Variants in ARHGAP42 observed in about 807,000 individuals in gnomAD.
The protein encoded by ARHGAP42 is Rho GTPase activating protein 42.
Under a neutral mutation model 125.0 loss-of-function variants are expected in ARHGAP42, and 63 were observed. The observed-to-expected ratio is 0.50, with a 90% CI of 0.41 to 0.62. The LOEUF (loss-of-function observed/expected upper bound fraction) is 0.62, where lower values mean the gene tolerates loss of function less well. Among genes scored for constraint, ARHGAP42 ranks in the 20% least tolerant of loss-of-function variants. The pLI, the probability that ARHGAP42 is intolerant of heterozygous loss-of-function variation, is 0.00. For synonymous variants in ARHGAP42, 339 were observed against 351.0 expected, an observed-to-expected ratio of 0.97 and a Z score of 0.38; for missense variants, 766 against 1,024.2, an observed-to-expected ratio of 0.75 and a Z score of 3.44.
chr11:100,745,569 C>T (rs113897198), intron 1 of ARHGAP42, among the ~76,000 whole-genome samples: 2,077 of 152,298 alleles, frequency 0.014, 61 homozygotes, highest in African/African-American at 0.047. Flanking sequence ...GGGTCATTTA[C>T]CCCTGAGTTG....
At chr11:100,832,258 G>A (rs1241285963) in intron 3 of ARHGAP42, among the ~76,000 whole-genome samples, 1 of 152,190 alleles carries the variant, frequency 6.6e-6, no homozygotes, top group African/African-American at 2.4e-5. Context: ...ACTGAACGAG[G>A]ATGGGCATAG....
At chr11:100,764,435 C>T (rs1395438774) in intron 1 of ARHGAP42, among the ~76,000 whole-genome samples, 3 of 152,180 alleles carry the variant, frequency 2.0e-5, no homozygotes, top group Admixed American at 1.3e-4. Flanking sequence ...AGCTCTTAGA[C>T]TCCAGGCAAG....
chr11:100,728,869 A>G (rs571708222), intron 1 of ARHGAP42, among the ~76,000 whole-genome samples: 6 of 151,468 alleles, frequency 4.0e-5, no homozygotes, highest in Non-Finnish European at 8.8e-5. Context: ...CCCAGCTTCA[A>G]GCGGTTCTTC....
At chr11:100,949,768 G>A (rs1868125932) in intron 11 of ARHGAP42, 149 bp from the exon 12 acceptor site, 1 of 396,010 alleles carries the variant, frequency 2.5e-6, no homozygotes. Context: ...GTTGGTTGAT[G>A]GTACACAGGT....
In ARHGAP42 at chr11:100,983,853, AC is replaced by A. The variant is rs1858605579; in HGVS notation, c.2457-3659del. On this transcript the variant is annotated intron_variant, in intron 22 of 23. Transcript: ENST00000298815. ...TGTAATTAATTTTAAGAAATCTGCA[AC>A]TAGGCTGGGCATGGTGGCACACTCC... Among the ~76,000 whole-genome samples the A allele has an allele frequency of 2.0e-5, 3 of 152,216 alleles. 1 individual carries two copies. The highest frequency in any genetic ancestry group is 4.4e-5 in the Non-Finnish European group (3 of 68,026).
At chr11:100,710,559 A>G (rs1366942814) in intron 1 of ARHGAP42, among the ~76,000 whole-genome samples, 4 of 36,650 alleles carry the variant, frequency 1.1e-4, no homozygotes, top group African/African-American at 6.7e-4. Context: ...TTTTTTTTTG[A>G]GACAGAGTCT....
At chr11:100,936,482 C>T (rs551913790) in intron 8 of ARHGAP42, 150 bp downstream of exon 8, 31 of 1,110,338 alleles carry the variant, frequency 2.8e-5, no homozygotes, top group Admixed American at 8.7e-5. Flanking sequence ...AAAGTGAGGA[C>T]GTTTTTCCGC....
In ARHGAP42 at chr11:100,965,742, G is replaced by C; in HGVS notation, c.1516G>C (p.Glu506Gln). 2 of 1,551,246 alleles carry C rather than the reference G, an allele frequency of 1.3e-6. No individual in the cohort carries two copies. The highest frequency in any genetic ancestry group is 1.7e-6 in the Non-Finnish European group (2 of 1,146,842). The change falls in exon 17 of 24, where the codon GAG (glutamate) becomes CAG (glutamine). Residue 506 changes from glutamate (E) to glutamine (Q), a missense_variant. By Grantham distance (29) the Glu-to-Gln change is conservative. Transcript: ENST00000298815. ...GCACAAATTGCCGGAGAAAAACAGA[G>C]AGATGCTGGACATCTTAATAAAGCA... ...LVHKLPEKNR[E>Q]MLDILIKHLV...
chr11:100,812,793 G>A (rs953408852), intron 3 of ARHGAP42, among the ~76,000 whole-genome samples: 1 of 152,214 alleles, frequency 6.6e-6, no homozygotes, highest in Non-Finnish European at 1.5e-5. Context: ...GAGATAAAGT[G>A]TGGTTGATTG....
intron 1 of ARHGAP42, among the ~76,000 whole-genome samples, chr11:100,758,222 G>T (rs1004075871): frequency 6.6e-6 from 1 of 152,160 alleles, no homozygotes; most frequent in African/African-American, 2.4e-5. Context: ...AGGTTTGTGT[G>T]AATGTGTTAA....
chr11:100,788,030 A>G (rs1863476505), intron 2 of ARHGAP42, among the ~76,000 whole-genome samples: 1 of 152,192 alleles, frequency 6.6e-6, no homozygotes, highest in Non-Finnish European at 1.5e-5. Flanking sequence ...TAGTTTTATT[A>G]TCATTTTCTT....
chr11:100,902,495 A>T (rs1458104512), intron 4 of ARHGAP42, among the ~76,000 whole-genome samples: 1 of 152,236 alleles, frequency 6.6e-6, no homozygotes. Flanking sequence ...TTTTCTTATC[A>T]TAAAATCACA....
chr11:100,990,633 ATCT>A lies in ARHGAP42; in HGVS notation c.*1837_*1839del, dbSNP rs1443016338. On this transcript the variant is annotated 3_prime_UTR_variant, in exon 24 of 24. Transcript: ENST00000298815. ...GCACTGTAATAAGGTGTGTTGCTGG[ATCT>A]TCTTGGTCGAGGTCCTTGGTGACCT... is the stretch of plus-strand genomic sequence containing the variant. 2 of 152,498 alleles carry A rather than the reference ATCT, an allele frequency of 1.3e-5. No homozygotes were observed. Among genetic ancestry groups the A allele is most frequent in the East Asian group, 1.9e-4 (1 of 5,190 alleles). The allele number at this position is 152,498 out of a possible 1,614,324, so 9.4% of individuals were successfully genotyped here. A position where few individuals can be genotyped will look rare whatever the true frequency, so the allele number is the denominator to read the frequency against.
chr11:100,857,763 G>A (rs1865355291), intron 3 of ARHGAP42, among the ~76,000 whole-genome samples: 1 of 151,960 alleles, frequency 6.6e-6, no homozygotes, highest in Admixed American at 6.6e-5. Context: ...TTGTCATTGA[G>A]TCCCTTTGTG....
chr11:100,903,768 A>C (rs114652473), intron 4 of ARHGAP42, among the ~76,000 whole-genome samples: 3,120 of 131,786 alleles, frequency 0.024, 177 homozygotes, highest in African/African-American at 0.085. Flanking sequence ...ATGTAAAGGA[A>C]AGTTTATTAA....
At chr11:100,780,499 A>C (rs1275624254) in intron 2 of ARHGAP42, among the ~76,000 whole-genome samples, 1 of 152,244 alleles carries the variant, frequency 6.6e-6, no homozygotes, top group Non-Finnish European at 1.5e-5. Flanking sequence ...TGGGCAGAAC[A>C]GTGATGAAGT....
intron 7 of ARHGAP42, among the ~76,000 whole-genome samples, chr11:100,933,843 A>G (rs575921990): frequency 9.9e-5 from 15 of 152,182 alleles, no homozygotes; most frequent in South Asian, 2.1e-4. Flanking sequence ...GCTGGAGTGC[A>G]ATGGCATGAT....
intron 4 of ARHGAP42, among the ~76,000 whole-genome samples, chr11:100,866,402 T>G (rs906688006): frequency 4.6e-5 from 7 of 152,204 alleles, no homozygotes; most frequent in African/African-American, 1.7e-4. Context: ...CAGAAGGTTT[T>G]CAATTTACCT....
chr11:100,844,949 G>C (rs930227202), intron 3 of ARHGAP42, among the ~76,000 whole-genome samples: 12 of 152,032 alleles, frequency 7.9e-5, no homozygotes, highest in Admixed American at 4.6e-4. Flanking sequence ...TATCTACTCA[G>C]AGGAAATGAA....
Sources: allele counts gnomAD v4.1 joint callset (sites outside exome capture counted in the v4.1 genomes callset), GRCh38; gene constraint gnomAD v4.1.1; transcripts MANE v1.5; gene names NCBI Gene and HGNC (gene_info 2026-07-23, HGNC 2026-07-21).